The following BCL11A variants were observed in gnomAD, a reference collection of about 807,000 sequenced individuals.
BCL11A encodes the protein B cell CLL/lymphoma 11A.
A neutral mutation model predicts 55.9 loss-of-function variants in BCL11A; 2 were observed. The ratio of observed to expected loss-of-function variants is 0.04; its 90% CI spans 0.01 to 0.11. The LOEUF is 0.11. BCL11A is among the 10% of genes least tolerant of loss of function. The pLI is 1.00. For synonymous variants in BCL11A, 465 were observed against 473.4 expected (o/e 0.98, Z 0.23); for missense variants, 817 against 1,137.1 (o/e 0.72, Z 4.05).
Position 60,458,923 on chromosome 2 carries a change from C to A in BCL11A, c.*1481G>T. Reference sequence around the variant, plus strand: ...CTTCCATGTTAACACAAATAGCACACAGTGTATGGAAAAGAAATGAAGTAC... The same window carrying A: ...CTTCCATGTTAACACAAATAGCACAAAGTGTATGGAAAAGAAATGAAGTAC... On this transcript the variant is annotated 3_prime_UTR_variant, in exon 4 of 4. Transcript: ENST00000642384. 9.7e-7 allele frequency: 1 copy of A among 1,033,884 alleles called. No homozygotes were observed. Among genetic ancestry groups the A allele is most frequent in the Non-Finnish European group, 1.2e-6 (1 of 858,888 alleles). 64.0% of individuals were successfully genotyped at this position (1,033,884 alleles called of 1,614,324 possible). A position where few individuals can be genotyped will look rare whatever the true frequency, so the allele number is the denominator to read the frequency against.
At chr2:60,474,226 T>A (rs1677384313) in intron 2 of BCL11A, among the ~76,000 whole-genome samples, 1 of 152,002 alleles carries the variant, frequency 6.6e-6, no homozygotes, top group African/African-American at 2.4e-5. Flanking sequence ...CCTTTATCTA[T>A]AAAAATGCCA....
At position 60,479,485 on chromosome 2, in the gene BCL11A, C is replaced by T. The variant is rs555884859; in HGVS notation, c.386-10652G>A. 7.9e-5 allele frequency among the ~76,000 whole-genome samples: 12 copies of T among 152,344 alleles called. No homozygotes were observed. The East Asian group carries it at 1.9e-3, about 24-fold the overall frequency. The stretch of plus-strand genomic sequence containing the variant: ...TAGGAACAGGAAAGAATAACTCTCC[C>T]TTAACAAGCCCCTCAGGCTGAAATC... On this transcript the variant is annotated intron_variant, in intron 2 of 3. Transcript: ENST00000642384.
intron 2 of BCL11A, among the ~76,000 whole-genome samples, chr2:60,531,735 C>A (rs1311259838): frequency 6.6e-6 from 1 of 152,148 alleles, no homozygotes; most frequent in Non-Finnish European, 1.5e-5. Context: ...ACCCCAGTAC[C>A]CAAGGCAGGG....
chr2:60,471,743 T>C (rs1677210559), intron 2 of BCL11A, among the ~76,000 whole-genome samples: 1 of 152,102 alleles, frequency 6.6e-6, no homozygotes, highest in African/African-American at 2.4e-5. Flanking sequence ...TGTCCTCTTT[T>C]TTTCTTTGTT....
At chr2:60,491,789 C>A (rs1043453303) in intron 2 of BCL11A, among the ~76,000 whole-genome samples, 8 of 152,124 alleles carry the variant, frequency 5.3e-5, no homozygotes, top group African/African-American at 1.9e-4. Context: ...TGTTGAGAGC[C>A]AAGTGGCCAG....
intron 2 of BCL11A, among the ~76,000 whole-genome samples, chr2:60,530,757 G>A (rs1669415944): frequency 6.7e-6 from 1 of 150,024 alleles, no homozygotes; most frequent in Admixed American, 6.6e-5. Flanking sequence ...CTCATCTAAA[G>A]CCTGGCCCTC....
At position 60,461,571 on chromosome 2, in the gene BCL11A, G is replaced by A. The variant is rs751181824; in HGVS notation, c.1341C>T (p.Ser447=). ...KSDDGLSTAS[S]PEPGTSDLVG... ...CCAAGTCGCTGGTGCCGGGTTCCGG[G>A]GAGCTGGCGGTGGAGAGACCGTCGT... is the stretch of plus-strand genomic sequence containing the variant. The change falls in exon 4 of 4, where the codon TCC becomes TCT. Residue 447 remains serine (S), a synonymous_variant. Transcript: ENST00000642384. 1.2e-6 allele frequency: 2 copies of A among 1,612,254 alleles called. No individual in the cohort carries two copies. Among genetic ancestry groups the A allele is most frequent in the South Asian group, 1.1e-5 (1 of 91,080 alleles).
intron 2 of BCL11A, chr2:60,495,847 G>A (rs1371072830): frequency 6.6e-6 from 1 of 152,216 alleles, no homozygotes; most frequent in Non-Finnish European, 1.5e-5. Context: ...TTGCCACCAT[G>A]GGAGCCTGGG....
At chr2:60,544,916 G>T (rs1670080183) in intron 2 of BCL11A, 1 of 152,224 alleles carries the variant, frequency 6.6e-6, no homozygotes, top group South Asian at 2.1e-4. Flanking sequence ...GGGAATTTAA[G>T]TCCCACTGCT....
intron 2 of BCL11A, chr2:60,528,207 C>T (rs973806151): frequency 6.6e-6 from 1 of 152,612 alleles, no homozygotes; most frequent in Non-Finnish European, 1.5e-5. Context: ...TTCTCCCCAG[C>T]CTTTGAAGGT....
intron 2 of BCL11A, chr2:60,541,929 G>C (rs1391502101): frequency 5.7e-6 from 4 of 705,368 alleles, no homozygotes; most frequent in Admixed American, 4.2e-5. Flanking sequence ...GTCTGAGCTA[G>C]GAGAGAATCA....
At chr2:60,477,116 C>CA in intron 2 of BCL11A, among the ~76,000 whole-genome samples, 1 of 152,300 alleles carries the variant, frequency 6.6e-6, no homozygotes, top group East Asian at 1.9e-4. Context: ...GAAAGCCTTG[C>CA]AAACCACACT....
At chr2:60,483,736 A>G (rs1423086081) in intron 2 of BCL11A, among the ~76,000 whole-genome samples, 1 of 152,246 alleles carries the variant, frequency 6.6e-6, no homozygotes, top group African/African-American at 2.4e-5. Flanking sequence ...TCAGCAGACA[A>G]CAAAGGAAGA....
chr2:60,553,325 G>T lies in BCL11A; in HGVS notation c.-55C>A. On this transcript the variant is annotated 5_prime_UTR_variant, in exon 1 of 4. Transcript: ENST00000642384. ...GCGGCGGCGGCGGCGGGCGGACGAC[G>T]GCTCGGTTCACATCGGGAGAGCCGG... The T allele has an allele frequency of 6.6e-7, 1 of 1,506,514 alleles. No homozygotes were observed. The highest frequency in any genetic ancestry group is 8.9e-7 in the Non-Finnish European group (1 of 1,128,658). 93.3% of individuals were successfully genotyped at this position (1,506,514 alleles called of 1,614,324 possible).
intron 2 of BCL11A, among the ~76,000 whole-genome samples, chr2:60,478,968 G>T (rs1369238703): frequency 1.2e-4 from 18 of 146,140 alleles, no homozygotes; most frequent in East Asian, 2.0e-4. Flanking sequence ...TTTGTTTTTT[G>T]TTTTTTTTTT....
At chr2:60,463,289 G>A (rs1414601244) in intron 3 of BCL11A, among the ~76,000 whole-genome samples, 1 of 152,230 alleles carries the variant, frequency 6.6e-6, no homozygotes, top group Non-Finnish European at 1.5e-5. Context: ...AGTGGCTGGT[G>A]CCGACTTAAG....
intron 2 of BCL11A, among the ~76,000 whole-genome samples, chr2:60,497,426 G>C (rs1425443501): frequency 1.3e-5 from 2 of 152,102 alleles, no homozygotes; most frequent in African/African-American, 4.8e-5. Context: ...TAGCCCTCAG[G>C]TTAGCAGGCC....
At chr2:60,483,025 G>A (rs1352559383) in intron 2 of BCL11A, among the ~76,000 whole-genome samples, 3 of 152,190 alleles carry the variant, frequency 2.0e-5, no homozygotes, top group Non-Finnish European at 4.4e-5. Context: ...TACTGATAAA[G>A]GCACTGCAAG....
At chr2:60,471,164 A>G (rs1434885377) in intron 2 of BCL11A, among the ~76,000 whole-genome samples, 1 of 152,202 alleles carries the variant, frequency 6.6e-6, no homozygotes, top group East Asian at 1.9e-4. Context: ...TGGTCTCACA[A>G]TTGGAAAACA....
Sources: allele counts gnomAD v4.1 joint callset (sites outside exome capture counted in the v4.1 genomes callset), GRCh38; gene constraint gnomAD v4.1.1; transcripts MANE v1.5; gene names NCBI Gene and HGNC (gene_info 2026-07-23, HGNC 2026-07-21).